Variants in PDE11A observed in about 807,000 individuals in gnomAD.
PDE11A encodes dual 3',5'-cyclic-AMP and -GMP phosphodiesterase 11A.
In PDE11A, 100 loss-of-function variants were observed where a neutral mutation model predicts 100.5. The ratio of observed to expected loss-of-function variants is 1.00; its 90% CI spans 0.85 to 1.18. The LOEUF (loss-of-function observed/expected upper bound fraction) is 1.18, where lower values mean the gene tolerates loss of function less well. Ranked by LOEUF, PDE11A falls within the 50% of genes most tolerant of loss-of-function variation. PDE11A has a pLI of 0.00. For synonymous variants in PDE11A, 381 were observed against 420.8 expected (o/e 0.91, Z 1.16); for missense variants, 1,141 against 1,152.6 (o/e 0.99, Z 0.15).
intron 7 of PDE11A, among the ~76,000 whole-genome samples, chr2:177,819,049 G>A (rs528182513): frequency 6.6e-6 from 1 of 152,098 alleles, no homozygotes; most frequent in African/African-American, 2.4e-5. Context: ...TTACTTTTAG[G>A]ATTGAAATGT....
intron 13 of PDE11A, among the ~76,000 whole-genome samples, chr2:177,702,022 C>A (rs2081204198): frequency 1.3e-5 from 2 of 152,308 alleles, no homozygotes; most frequent in Middle Eastern, 6.8e-3. Flanking sequence ...CAGTTCCCAG[C>A]ATGTAGTAGA....
chr2:177,897,806 T>C (rs910862604), intron 4 of PDE11A, among the ~76,000 whole-genome samples: 2 of 152,204 alleles, frequency 1.3e-5, no homozygotes, highest in Admixed American at 1.3e-4. Flanking sequence ...TTCCTTCATC[T>C]GCAATTACAA....
At chr2:177,645,251 A>T (rs148237218) in intron 19 of PDE11A, among the ~76,000 whole-genome samples, 10,114 of 152,156 alleles carry the variant, frequency 0.066, 931 homozygotes, top group African/African-American at 0.21. Context: ...AGTGGCACAA[A>T]CTTGGCTCAC....
chr2:178,063,008 G>A (rs943244865), intron 1 of PDE11A, among the ~76,000 whole-genome samples: 6 of 152,162 alleles, frequency 3.9e-5, no homozygotes, highest in African/African-American at 1.2e-4. Context: ...AATTGATTTA[G>A]TTTGCAAGTG....
intron 5 of PDE11A, among the ~76,000 whole-genome samples, chr2:177,874,897 GA>G (rs1335093015): frequency 3.9e-5 from 6 of 152,098 alleles, no homozygotes; most frequent in Non-Finnish European, 5.9e-5. Flanking sequence ...CAAAGTTCAG[GA>G]GTCAGCAGAG....
At chr2:177,631,225 C>T (rs899275659) in intron 19 of PDE11A, among the ~76,000 whole-genome samples, 4 of 145,486 alleles carry the variant, frequency 2.7e-5, no homozygotes, top group Admixed American at 1.4e-4. Context: ...GTGAGTGGAT[C>T]ATTTGAGGTC....
At chr2:177,908,785 G>A (rs2084830998) in intron 2 of PDE11A, among the ~76,000 whole-genome samples, 1 of 152,204 alleles carries the variant, frequency 6.6e-6, no homozygotes, top group South Asian at 2.1e-4. Context: ...CCTAGGAACA[G>A]CCCAACATCA....
intron 9 of PDE11A, among the ~76,000 whole-genome samples, chr2:177,776,589 T>C (rs2082381139): frequency 6.6e-6 from 1 of 152,188 alleles, no homozygotes; most frequent in Non-Finnish European, 1.5e-5. Context: ...GACATCAGAA[T>C]ATGACTGTAT....
chr2:177,816,714 T>C (rs756356862), intron 9 of PDE11A, 115 bp downstream of exon 9: 80 of 755,484 alleles, frequency 1.1e-4, no homozygotes, highest in Non-Finnish European at 1.6e-4. Flanking sequence ...CTAAAATGAT[T>C]AAGGCCCAAT....
At chr2:177,675,597 T>TAAATA in intron 16 of PDE11A, 79 bp from the exon 17 acceptor site, 1 of 1,032,072 alleles carries the variant, frequency 9.7e-7, no homozygotes, top group Non-Finnish European at 1.5e-6. Flanking sequence ...GATACATAAA[T>TAAATA]AAATAAAATA....
At chr2:177,688,692 T>C (rs996002539) in intron 15 of PDE11A, among the ~76,000 whole-genome samples, 1 of 152,252 alleles carries the variant, frequency 6.6e-6, no homozygotes, top group African/African-American at 2.4e-5. Context: ...GATATGTTTT[T>C]ATTAGGCTTT....
At chr2:178,008,267 AC>A (rs1486509108) in intron 2 of PDE11A, among the ~76,000 whole-genome samples, 2 of 152,192 alleles carry the variant, frequency 1.3e-5, no homozygotes, top group Admixed American at 1.3e-4. Flanking sequence ...TTTGAAAAGT[AC>A]CTTCTGTGGA....
intron 4 of PDE11A, among the ~76,000 whole-genome samples, chr2:177,889,910 C>T (rs780110953): frequency 2.0e-5 from 3 of 152,024 alleles, no homozygotes; most frequent in Non-Finnish European, 4.4e-5. Context: ...TTTCACATCC[C>T]TTCCTACTTC....
intron 1 of PDE11A, among the ~76,000 whole-genome samples, chr2:178,052,070 G>A: frequency 6.6e-6 from 1 of 152,100 alleles, no homozygotes; most frequent in Non-Finnish European, 1.5e-5. Context: ...ATTCTTTTCA[G>A]CACCACACCA....
rs777923565 is a variant in PDE11A, at chr2:178,072,315, C to T, written c.123G>A (p.Arg41=). 6.2e-7 allele frequency: 1 copy of T among 1,614,160 alleles called. No individual in the cohort carries two copies. Among genetic ancestry groups the T allele is most frequent in the Non-Finnish European group, 8.5e-7 (1 of 1,180,022 alleles). Residue 41 remains arginine, a synonymous_variant, in exon 1 of 20, where the codon AGG becomes AGA. Transcript: ENST00000286063. ...KQEMVEKWLQ[R]HSQGQGALGP... ...CTAAAGCCCCCTGACCCTGACTGTG[C>T]CTCTGCAGCCACTTTTCAACCATCT...
rs6433698 is a variant in PDE11A at position 177,816,807 on chromosome 2, C to T, written c.1737+22G>A. ...AAATTAGAGCTGACAGCATACAAAC[C>T]TGACATAAACACTGTACTTACATCA... On this transcript the variant is annotated intron_variant, in intron 9 of 19. Transcript: ENST00000286063. 0.34 allele frequency: 466,785 copies of T among 1,374,156 alleles called. 84,770 individuals are homozygous for T. Among genetic ancestry groups the T allele is most frequent in the African/African-American group, 0.65 (45,895 of 70,356 alleles). 85.1% of individuals were successfully genotyped at this position (1,374,156 alleles called of 1,614,324 possible).
intron 9 of PDE11A, among the ~76,000 whole-genome samples, chr2:177,788,748 A>G (rs2082580203): frequency 6.6e-6 from 1 of 152,248 alleles, no homozygotes; most frequent in Non-Finnish European, 1.5e-5. Flanking sequence ...CCATCAGAGA[A>G]TACTACAAAC....
chr2:178,000,736 AG>A (rs2086134532), intron 2 of PDE11A, among the ~76,000 whole-genome samples: 1 of 152,206 alleles, frequency 6.6e-6, no homozygotes, highest in African/African-American at 2.4e-5. Context: ...ACAAAGCTCA[AG>A]TGTGGTTACA....
At position 178,096,888 on chromosome 2, in the gene PDE11A, C is replaced by T. The variant is rs190099906; in HGVS notation, c.162+7414G>A. Among the ~76,000 whole-genome samples, 340 of 152,090 alleles carry T rather than the reference C, an allele frequency of 2.2e-3. 1 individual carries two copies. Among genetic ancestry groups the T allele is most frequent in the Non-Finnish European group, 4.0e-3 (269 of 67,962 alleles). The stretch of plus-strand genomic sequence containing the variant: ...AGCCATAGCTGAAACTGGAGTGGCA[C>T]ATTTTGTTTTTTTTTTAAGACAGAG... On this transcript the variant is annotated intron_variant, in intron 2 of 20. Transcript: ENST00000358450.
Sources: gnomAD v4.1 joint callset for allele counts (sites outside exome capture counted in the v4.1 genomes callset) on GRCh38, gnomAD v4.1.1 for gene constraint, MANE v1.5 for transcripts, NCBI Gene and HGNC (gene_info 2026-07-23, HGNC 2026-07-21) for gene names.